The following BCAR3 variants were observed in gnomAD, a reference collection of about 807,000 sequenced individuals.
BCAR3 encodes BCAR3 adaptor protein, NSP family member, also known as breast cancer anti-estrogen resistance protein 3.
Under a neutral mutation model 80.1 loss-of-function variants are expected in BCAR3, and 37 were observed. The observed-to-expected ratio is 0.46, with a 90% CI of 0.36 to 0.61. BCAR3 has a LOEUF of 0.61. Among genes scored for constraint, BCAR3 ranks in the 20% least tolerant of loss-of-function variants. The pLI is 0.00. For synonymous variants in BCAR3, 389 were observed against 418.9 expected, an observed-to-expected ratio of 0.93 and a Z score of 0.87; for missense variants, 978 against 1,068.2, an observed-to-expected ratio of 0.92 and a Z score of 1.18.
chr1:93,779,198 T>C (rs1387452947), intron 2 of BCAR3, among the ~76,000 whole-genome samples: 2 of 147,390 alleles, frequency 1.4e-5, no homozygotes, highest in Non-Finnish European at 2.9e-5. Flanking sequence ...GGCCACCTAA[T>C]GATTAACAAA....
chr1:93,579,939 G>A (rs1673631332), intron 7 of BCAR3, among the ~76,000 whole-genome samples: 1 of 152,230 alleles, frequency 6.6e-6, no homozygotes, highest in Non-Finnish European at 1.5e-5. Context: ...AGTGAGGTCC[G>A]GATAACTTCG....
At chr1:93,685,562 C>A (rs1456925218), upstream of BCAR3, among the ~76,000 whole-genome samples, 3 of 152,152 alleles carry the variant, frequency 2.0e-5, no homozygotes, top group African/African-American at 7.2e-5. Flanking sequence ...ATTTACCAAA[C>A]ATTTAGCTTG....
At chr1:93,582,056 T>C (rs1673729175) in intron 7 of BCAR3, among the ~76,000 whole-genome samples, 1 of 152,336 alleles carries the variant, frequency 6.6e-6, no homozygotes, top group Non-Finnish European at 1.5e-5. Flanking sequence ...CTGTCTGAGA[T>C]GAATTTTATA....
chr1:93,658,006 T>A (rs1647470216), intron 2 of BCAR3, among the ~76,000 whole-genome samples: 1 of 151,814 alleles, frequency 6.6e-6, no homozygotes, highest in South Asian at 2.1e-4. Flanking sequence ...AGTGGCATGA[T>A]CCTGGCTCAC....
intron 2 of BCAR3, among the ~76,000 whole-genome samples, chr1:93,706,522 A>T (rs889931134): frequency 6.6e-6 from 1 of 152,192 alleles, no homozygotes; most frequent in Non-Finnish European, 1.5e-5. Flanking sequence ...ATTACAGCAC[A>T]GACTCTGGAG....
At chr1:93,714,770 C>G (rs1433695167) in intron 2 of BCAR3, among the ~76,000 whole-genome samples, 1 of 151,798 alleles carries the variant, frequency 6.6e-6, no homozygotes, top group Non-Finnish European at 1.5e-5. Flanking sequence ...CTACTTCTAG[C>G]AACACAATAT....
intron 7 of BCAR3, 85 bp from the exon 8 acceptor site, chr1:93,576,214 G>C: frequency 1.0e-6 from 1 of 961,336 alleles, no homozygotes; most frequent in South Asian, 1.3e-5. Flanking sequence ...GAAACACACT[G>C]AACTACGATG....
chr1:93,600,921 T>C (rs1232313989), intron 3 of BCAR3, among the ~76,000 whole-genome samples: 2 of 152,164 alleles, frequency 1.3e-5, no homozygotes, highest in Admixed American at 1.3e-4. Flanking sequence ...GAGTGCCCAG[T>C]AGACAGTGAC....
intron 2 of BCAR3, among the ~76,000 whole-genome samples, chr1:93,719,636 C>G (rs778022130): frequency 1.4e-4 from 21 of 152,124 alleles, no homozygotes; most frequent in Non-Finnish European, 2.9e-4. Flanking sequence ...GCCACCCTGC[C>G]CAGCCTCTAT....
intron 11 of BCAR3, among the ~76,000 whole-genome samples, chr1:93,563,972 A>C (rs1672813241): frequency 6.6e-6 from 1 of 151,842 alleles, no homozygotes; most frequent in South Asian, 2.1e-4. Flanking sequence ...GGGATTACAG[A>C]CATTAGCCAC....
In BCAR3 at chr1:93,584,099, G is replaced by T. The variant is rs777856449; in HGVS notation, c.952C>A (p.Gln318Lys). 1 of 1,614,104 alleles carries T rather than the reference G, an allele frequency of 6.2e-7. No homozygotes were observed. The highest frequency in any genetic ancestry group is 2.2e-5 in the East Asian group (1 of 44,882). ...TGCATGTGATCCAGGCAGGCGGGCT[G>T]GCTACCACTCTTTTCTTTGTTTCTG... ...LLRNKEKSGS[Q>K]PACLDHMQDR... The change falls in exon 6 of 12, where the codon CAG becomes AAG. Residue 318 changes from glutamine (Q) to lysine (K), a missense_variant. Coordinates refer to ENST00000260502, the MANE Select transcript of BCAR3 (RefSeq NM_003567.4).
chr1:93,668,412 G>A (rs982117381), intron 2 of BCAR3, among the ~76,000 whole-genome samples: 1 of 152,158 alleles, frequency 6.6e-6, no homozygotes, highest in Non-Finnish European at 1.5e-5. Flanking sequence ...AAGATGCAGG[G>A]GCTGAGCTCA....
chr1:93,749,586 CAA>C (rs1160570100), intron 2 of BCAR3, among the ~76,000 whole-genome samples: 42 of 69,370 alleles, frequency 6.1e-4, no homozygotes, highest in Admixed American at 8.5e-4. Context: ...GAGACTCCGT[CAA>C]AAAAAAAAAA....
chr1:93,732,602 G>A (rs1650827051), intron 2 of BCAR3, among the ~76,000 whole-genome samples: 1 of 151,852 alleles, frequency 6.6e-6, no homozygotes, highest in African/African-American at 2.4e-5. Flanking sequence ...GGGTGACAGA[G>A]CAAGACCTTG....
At chr1:93,618,102 G>A (rs1386914305) in intron 3 of BCAR3, among the ~76,000 whole-genome samples, 4 of 152,108 alleles carry the variant, frequency 2.6e-5, no homozygotes, top group African/African-American at 4.8e-5. Context: ...AGGCTCAGTA[G>A]CTACAGAAGC....
intron 2 of BCAR3, among the ~76,000 whole-genome samples, chr1:93,830,547 C>T (rs1654522982): frequency 6.6e-6 from 1 of 152,044 alleles, no homozygotes; most frequent in African/African-American, 2.4e-5. Context: ...ATCTTCTGAT[C>T]CCCGCCCCTG....
chr1:93,607,083 C>T (rs2101873843), intron 3 of BCAR3, among the ~76,000 whole-genome samples: 1 of 152,224 alleles, frequency 6.6e-6, no homozygotes, highest in African/African-American at 2.4e-5. Context: ...ATAATAGACA[C>T]TGGGGACTCC....
At chr1:93,674,432 T>C (rs529151722) in intron 2 of BCAR3, among the ~76,000 whole-genome samples, 182 bp downstream of exon 2, 12 of 152,228 alleles carry the variant, frequency 7.9e-5, no homozygotes, top group Admixed American at 2.6e-4. Context: ...ATTTTTGTAT[T>C]TTTAGTATAG....
intron 7 of BCAR3, among the ~76,000 whole-genome samples, chr1:93,576,851 T>G (rs1209319089): frequency 6.6e-6 from 1 of 152,236 alleles, no homozygotes; most frequent in Non-Finnish European, 1.5e-5. Context: ...TGAGCCAGTG[T>G]GTCTCTAAAA....
Sources: allele counts gnomAD v4.1 joint callset (sites outside exome capture counted in the v4.1 genomes callset), GRCh38; gene constraint gnomAD v4.1.1; transcripts MANE v1.5; gene names NCBI Gene and HGNC (gene_info 2026-07-23, HGNC 2026-07-21).